Variants in PRKN observed in about 807,000 individuals in gnomAD.
PRKN encodes E3 ubiquitin-protein ligase parkin.
PRKN carries 56 observed loss-of-function variants against 59.5 expected under a neutral mutation model. That is an observed-to-expected ratio of 0.94 (90% CI 0.76 to 1.18). The LOEUF (loss-of-function observed/expected upper bound fraction) is 1.18, where lower values mean the gene tolerates loss of function less well. Among genes scored for constraint, PRKN ranks in the 50% most tolerant of loss-of-function variants. PRKN has a pLI of 0.00. For missense variants in PRKN, 657 were observed against 596.4 expected (o/e 1.10, Z -1.06); for synonymous variants, 250 against 222.1 (o/e 1.13, Z -1.12).
intron 7 of PRKN, among the ~76,000 whole-genome samples, chr6:161,772,141 G>T (rs1279728228): frequency 6.6e-6 from 1 of 152,150 alleles, no homozygotes; most frequent in Non-Finnish European, 1.5e-5. Context: ...AGTGATGAAG[G>T]AACGGAATCT....
At chr6:162,535,795 G>C (rs1778691894) in intron 1 of PRKN, among the ~76,000 whole-genome samples, 1 of 151,626 alleles carries the variant, frequency 6.6e-6, no homozygotes, top group East Asian at 1.9e-4. Context: ...TATAATCCCA[G>C]CTACTCAGGA....
At chr6:162,218,941 A>G (rs2128079491) in intron 3 of PRKN, among the ~76,000 whole-genome samples, 1 of 152,308 alleles carries the variant, frequency 6.6e-6, no homozygotes, top group East Asian at 1.9e-4. Flanking sequence ...TGAGAGGCCA[A>G]GAAAGGTGGA....
chr6:162,621,845 T>G (rs182057770), intron 1 of PRKN, among the ~76,000 whole-genome samples: 1 of 152,318 alleles, frequency 6.6e-6, no homozygotes, highest in Admixed American at 6.5e-5. Context: ...AGACAGAGTC[T>G]TGCTCTGTGG....
rs1342499789 is a variant in PRKN, at chr6:161,413,734, C to G, written c.1084-26857G>C. Among the ~76,000 whole-genome samples the G allele has an allele frequency of 6.6e-6, 1 of 152,192 alleles. No individual in the cohort carries two copies. Among genetic ancestry groups the G allele is most frequent in the Non-Finnish European group, 1.5e-5 (1 of 68,050 alleles). ...TGAGAAGGAAGCCACATGGCCATTC[C>G]TGAGAACAAGGATAATGCCACACAA... On this transcript the variant is annotated intron_variant, in intron 9 of 11. Coordinates refer to ENST00000366898, the MANE Select transcript of PRKN (RefSeq NM_004562.3). This position sits in a 1 kb window ranked among gnomAD's most constrained non-coding sequence, Gnocchi z 4.4.
chr6:162,184,237 T>A (rs576645381), intron 4 of PRKN, among the ~76,000 whole-genome samples: 2 of 152,182 alleles, frequency 1.3e-5, no homozygotes, highest in Non-Finnish European at 2.9e-5. Flanking sequence ...AAATTACTGA[T>A]TGCATAATAG....
chr6:161,965,286 C>G (rs962924425), intron 6 of PRKN, among the ~76,000 whole-genome samples: 2 of 151,992 alleles, frequency 1.3e-5, no homozygotes, highest in Non-Finnish European at 2.9e-5. Flanking sequence ...ACAACAATGA[C>G]ATCAAAAACA....
chr6:161,677,999 G>C (rs1203211845), intron 7 of PRKN, among the ~76,000 whole-genome samples: 1 of 152,114 alleles, frequency 6.6e-6, no homozygotes, highest in African/African-American at 2.4e-5. Flanking sequence ...AATAGTCAAG[G>C]ATGATGGTTT....
At chr6:161,623,434 G>A (rs1475938472) in intron 7 of PRKN, among the ~76,000 whole-genome samples, 1 of 152,208 alleles carries the variant, frequency 6.6e-6, no homozygotes, top group Non-Finnish European at 1.5e-5. Flanking sequence ...TACACTTCCA[G>A]TGTCACATTA....
intron 6 of PRKN, among the ~76,000 whole-genome samples, chr6:161,882,503 T>C (rs1048316632): frequency 1.3e-5 from 2 of 152,170 alleles, no homozygotes; most frequent in Non-Finnish European, 2.9e-5. Flanking sequence ...CCTCTGACCA[T>C]TCTAGTCAGC....
chr6:162,044,285 T>G (rs1399009552), intron 5 of PRKN, among the ~76,000 whole-genome samples: 1 of 152,196 alleles, frequency 6.6e-6, no homozygotes, highest in Non-Finnish European at 1.5e-5. Flanking sequence ...AATGAACTTC[T>G]ACAGGAACGA....
At chr6:162,080,282 T>C (rs759356682) in intron 4 of PRKN, among the ~76,000 whole-genome samples, 2 of 152,138 alleles carry the variant, frequency 1.3e-5, no homozygotes, top group South Asian at 2.1e-4. Context: ...CTCAGGTTTG[T>C]CTAGGTGTAA....
chr6:161,773,293 A>G (rs1004093489), intron 7 of PRKN, among the ~76,000 whole-genome samples: 2 of 152,238 alleles, frequency 1.3e-5, no homozygotes, highest in Non-Finnish European at 2.9e-5. Flanking sequence ...TTAAAGGTCA[A>G]TTAGTATTTT....
intron 1 of PRKN, among the ~76,000 whole-genome samples, chr6:162,658,698 G>C (rs1281580086): frequency 3.6e-5 from 5 of 138,806 alleles, no homozygotes; most frequent in African/African-American, 1.3e-4. Flanking sequence ...AAAAGAAAAA[G>C]AAAAAGAAAA....
At chr6:162,040,774 C>A (rs969540131) in intron 5 of PRKN, among the ~76,000 whole-genome samples, 12 of 151,932 alleles carry the variant, frequency 7.9e-5, no homozygotes, top group Middle Eastern at 6.8e-3. Flanking sequence ...TAAAGAACCA[C>A]GCAAGGATGA....
chr6:162,441,622 A>G (rs1009864845), intron 2 of PRKN, among the ~76,000 whole-genome samples: 3 of 152,200 alleles, frequency 2.0e-5, no homozygotes, highest in African/African-American at 7.2e-5. Context: ...GTTCAATCTA[A>G]TATTTCTCTC....
At chr6:162,445,734 A>C (rs548788258) in intron 1 of PRKN, among the ~76,000 whole-genome samples, 1 of 130,340 alleles carries the variant, frequency 7.7e-6, no homozygotes, top group Non-Finnish European at 1.6e-5. Context: ...AAAAGTCCAC[A>C]TTTCTATCCC....
chr6:162,199,409 T>A (rs752428243), intron 4 of PRKN, among the ~76,000 whole-genome samples: 5 of 152,202 alleles, frequency 3.3e-5, no homozygotes, highest in Admixed American at 6.5e-5. Context: ...ATGAAATAAT[T>A]AAACCAGATA....
At chr6:162,625,522 T>G (rs1021688686) in intron 1 of PRKN, among the ~76,000 whole-genome samples, 2 of 152,178 alleles carry the variant, frequency 1.3e-5, no homozygotes, top group African/African-American at 4.8e-5. Context: ...CAGGGTTTAC[T>G]CAATGTCACT....
chr6:162,406,141 AACTCAAC>A (rs1216347331), intron 2 of PRKN, among the ~76,000 whole-genome samples: 13 of 152,176 alleles, frequency 8.5e-5, no homozygotes, highest in Non-Finnish European at 1.8e-4. Flanking sequence ...CCAGGCACCA[AACTCAAC>A]ACTTTTCATG....
Sources: allele counts gnomAD v4.1 joint callset (sites outside exome capture counted in the v4.1 genomes callset), GRCh38; gene constraint gnomAD v4.1.1; non-coding constraint Gnocchi (gnomAD v3.1); transcripts MANE v1.5; gene names NCBI Gene and HGNC (gene_info 2026-07-23, HGNC 2026-07-21).